Variants in CHD9 observed in about 807,000 individuals in gnomAD.
CHD9 encodes the protein chromodomain helicase DNA binding protein 9.
A neutral mutation model predicts 316.1 loss-of-function variants in CHD9; 77 were observed. That is an observed-to-expected ratio of 0.24 (90% CI 0.20 to 0.29). The LOEUF is 0.29. CHD9 is among the 10% of genes least tolerant of loss of function. The pLI, the probability that CHD9 is intolerant of heterozygous loss-of-function variation, is 1.00. For synonymous variants in CHD9, 1,129 were observed against 1,158.3 expected (o/e 0.97, Z 0.51); for missense variants, 2,763 against 3,438.1 (o/e 0.80, Z 4.91).
chr16:53,128,826 C>CA (rs2039087001), intron 1 of CHD9, among the ~76,000 whole-genome samples: 1 of 152,136 alleles, frequency 6.6e-6, no homozygotes, highest in Non-Finnish European at 1.5e-5. Context: ...GTACTTAACA[C>CA]AGGAGAACCC....
Position 53,268,037 on chromosome 16 carries a change from A to T in CHD9, c.4628A>T (p.Tyr1543Phe). Residue 1543 changes from tyrosine (Y) to phenylalanine (F), a missense_variant, in exon 22 of 39, where the codon TAC becomes TTC. Tyr to Phe is a conservative substitution (Grantham distance 22, BLOSUM62 3). Around this residue, in one of 15 missense-constraint regions of CHD9, gnomAD observed 99 missense variants for 131.6 expected, o/e 0.75. Transcript: ENST00000447540. Reference protein sequence around the residue: ...RALLAYCLVHYRGDEKIKGFI... With the variant: ...RALLAYCLVHFRGDEKIKGFI... ...CTCTTAGCATATTGCCTTGTTCACTACCGAGGAGATGAGAAGATTAAAGGT... is the reference window on the plus strand; with the variant it reads ...CTCTTAGCATATTGCCTTGTTCACTTCCGAGGAGATGAGAAGATTAAAGGT... 6.2e-7 allele frequency: 1 copy of T among 1,613,528 alleles called. No homozygotes were observed. The highest frequency in any genetic ancestry group is 2.2e-5 in the East Asian group (1 of 44,836).
At chr16:53,217,018 A>C (rs1350011064) in intron 3 of CHD9, among the ~76,000 whole-genome samples, 1 of 152,148 alleles carries the variant, frequency 6.6e-6, no homozygotes, top group Non-Finnish European at 1.5e-5. Context: ...AATCCTGTTA[A>C]CCAATCTGCA....
chr16:53,136,971 C>T (rs1442868396), intron 1 of CHD9, among the ~76,000 whole-genome samples: 1 of 151,674 alleles, frequency 6.6e-6, no homozygotes, highest in African/African-American at 2.4e-5. Flanking sequence ...TGAGACTAAT[C>T]TGTGTTTTTC....
intron 1 of CHD9, among the ~76,000 whole-genome samples, chr16:53,093,808 A>G (rs1447111996): frequency 1.3e-5 from 2 of 152,274 alleles, no homozygotes; most frequent in East Asian, 3.9e-4. Flanking sequence ...GTGCTCTCTC[A>G]TGATGGACAC....
chr16:53,324,955 T>C lies in CHD9; in HGVS notation c.*60T>C. 2.2e-6 allele frequency: 3 copies of C among 1,373,172 alleles called. No homozygotes were observed. Among genetic ancestry groups the C allele is most frequent in the Non-Finnish European group, 2.9e-6 (3 of 1,023,990 alleles). The allele number at this position is 1,373,172 out of a possible 1,614,324, so 85.1% of individuals were successfully genotyped here. A position where few individuals can be genotyped will look rare whatever the true frequency, so the allele number is the denominator to read the frequency against. Reference sequence around the variant, plus strand: ...TTGGATTTTTTCTTTAATAATTAATTGTAAATACCCCAGTGTTGAGTGCAT... The same window carrying C: ...TTGGATTTTTTCTTTAATAATTAATCGTAAATACCCCAGTGTTGAGTGCAT... On this transcript the variant is annotated 3_prime_UTR_variant, in exon 39 of 39. Transcript: ENST00000447540.
intron 1 of CHD9, among the ~76,000 whole-genome samples, chr16:53,091,980 C>G (rs2035982054): frequency 6.6e-6 from 1 of 152,214 alleles, no homozygotes; most frequent in African/African-American, 2.4e-5. Context: ...AGCAGCGATT[C>G]CTCTTTCAAA....
At chr16:53,069,564 T>TGTCTTCAAG (rs1280187713) in intron 1 of CHD9, among the ~76,000 whole-genome samples, 1 of 152,238 alleles carries the variant, frequency 6.6e-6, no homozygotes, top group Non-Finnish European at 1.5e-5. Context: ...CTAAGCCTAA[T>TGTCTTCAAG]GTCTTCAAGG....
chr16:53,280,766 A>G (rs973159719), intron 24 of CHD9, among the ~76,000 whole-genome samples: 5 of 152,080 alleles, frequency 3.3e-5, no homozygotes, highest in Admixed American at 3.3e-4. Flanking sequence ...AAGATTGCCT[A>G]CATTTACTAT....
At chr16:53,269,090 A>C (rs1449431216) in intron 22 of CHD9, among the ~76,000 whole-genome samples, 1 of 152,102 alleles carries the variant, frequency 6.6e-6, no homozygotes, top group East Asian at 1.9e-4. Context: ...CACAGACATG[A>C]GCCACCATGC....
chr16:53,304,570 CTCTTCA>C lies in CHD9; in HGVS notation c.6573_6578del (p.Ser2192_Ser2193del), dbSNP rs774351948. The C allele has an allele frequency of 3.2e-6, 5 of 1,545,344 alleles. No individual in the cohort carries two copies. Among genetic ancestry groups the C allele is most frequent in the Non-Finnish European group, 4.4e-6 (5 of 1,141,328 alleles). ...CCTCCACCTCTTCCTCCTCCTCCTC[CTCTTCA>C]TCTTCATCAGAAGAAAGTGACAGTG... On this transcript the variant is annotated inframe_deletion, in exon 31 of 39. Transcript: ENST00000447540.
intron 20 of CHD9, among the ~76,000 whole-genome samples, chr16:53,263,789 A>G (rs745371938): frequency 3.2e-4 from 48 of 152,266 alleles, no homozygotes; most frequent in Non-Finnish European, 6.6e-4. Context: ...TGTTGAATGC[A>G]TTTTGGAAAT....
intron 2 of CHD9, among the ~76,000 whole-genome samples, chr16:53,201,060 A>G (rs1408213560): frequency 3.3e-5 from 5 of 152,168 alleles, no homozygotes; most frequent in Admixed American, 2.6e-4. Context: ...CAGATAAATG[A>G]TGGAACTGGA....
At chr16:53,163,535 A>C (rs146168590) in intron 2 of CHD9, among the ~76,000 whole-genome samples, 131 of 152,304 alleles carry the variant, frequency 8.6e-4, no homozygotes, top group African/African-American at 2.8e-3. Context: ...TAAAGAAACA[A>C]AATTGAGATC....
intron 19 of CHD9, among the ~76,000 whole-genome samples, chr16:53,259,664 C>T (rs908896987): frequency 6.6e-6 from 1 of 152,124 alleles, no homozygotes; most frequent in Non-Finnish European, 1.5e-5. Flanking sequence ...AGGCACATGC[C>T]GCCATGCCCA....
intron 11 of CHD9, 108 bp downstream of exon 11, chr16:53,235,414 C>T: frequency 1.3e-6 from 1 of 782,500 alleles, no homozygotes; most frequent in Non-Finnish European, 1.9e-6. Context: ...TTGAAGTCTT[C>T]ATTATTTAAA....
chr16:53,273,728 C>T lies in CHD9; in HGVS notation c.4820C>T (p.Pro1607Leu). 2 of 1,613,244 alleles carry T rather than the reference C, an allele frequency of 1.2e-6. No individual in the cohort carries two copies. Among genetic ancestry groups the T allele is most frequent in the South Asian group, 2.2e-5 (2 of 91,030 alleles). Residue 1607 changes from proline (P) to leucine (L), a missense_variant, in exon 23 of 39, where the codon CCC (proline) becomes CTC (leucine). Pro to Leu is a moderately conservative substitution (Grantham distance 98, BLOSUM62 -3). Around this residue, in one of 15 missense-constraint regions of CHD9, gnomAD observed 99 missense variants for 131.6 expected, o/e 0.75. Coordinates refer to ENST00000447540, the MANE Select transcript of CHD9 (RefSeq NM_001308319.2). ...GCAGAATGGCTTCGAAAATATAATC[C>T]CGAGCAGCTCCTTCAAGATGAAGGC... Reference protein sequence around the residue: ...QKAEWLRKYNPEQLLQDEGYK... With the variant: ...QKAEWLRKYNLEQLLQDEGYK...
chr16:53,158,319 A>G (rs2041665747), intron 2 of CHD9, among the ~76,000 whole-genome samples: 1 of 152,240 alleles, frequency 6.6e-6, no homozygotes. Flanking sequence ...TATTGTAATC[A>G]CGATAGACCA....
chr16:53,130,024 G>GTC (rs773761130), intron 1 of CHD9, among the ~76,000 whole-genome samples: 63 of 152,266 alleles, frequency 4.1e-4, no homozygotes, highest in African/African-American at 1.5e-3. Context: ...CCCCACGGCT[G>GTC]TCTCTCTCTC....
At chr16:53,143,356 T>TA (rs2040277072) in intron 1 of CHD9, among the ~76,000 whole-genome samples, 1 of 142,356 alleles carries the variant, frequency 7.0e-6, no homozygotes, top group Non-Finnish European at 1.5e-5. Context: ...TATTTTATCT[T>TA]ATTTTATTTA....
Sources: gnomAD v4.1 joint callset for allele counts (sites outside exome capture counted in the v4.1 genomes callset) on GRCh38, gnomAD v4.1.1 for gene constraint, gnomAD v4.1.1 regional missense constraint, MANE v1.5 for transcripts, NCBI Gene and HGNC (gene_info 2026-07-23, HGNC 2026-07-21) for gene names.